The following SYNPR variants were observed in gnomAD, a reference collection of about 807,000 sequenced individuals.
The protein encoded by SYNPR is synaptoporin.
SYNPR carries 23 observed loss-of-function variants against 32.9 expected under a neutral mutation model. That is an observed-to-expected ratio of 0.70 (90% CI 0.50 to 0.99). SYNPR has a LOEUF of 0.99. Among genes scored for constraint, SYNPR ranks in the 50% least tolerant of loss-of-function variants. The pLI is 0.00. For synonymous variants in SYNPR, 146 were observed against 135.9 expected, an observed-to-expected ratio of 1.07 and a Z score of -0.52; for missense variants, 318 against 349.3, an observed-to-expected ratio of 0.91 and a Z score of 0.71.
chr3:63,258,140 C>A (rs1051874208), intron 2 of SYNPR, among the ~76,000 whole-genome samples: 3 of 152,188 alleles, frequency 2.0e-5, no homozygotes, highest in African/African-American at 7.2e-5. Context: ...TAACACCCCA[C>A]TGTCAACATT....
chr3:63,564,712 G>A (rs1032618064), intron 4 of SYNPR, among the ~76,000 whole-genome samples: 6 of 152,090 alleles, frequency 3.9e-5, no homozygotes, highest in South Asian at 4.2e-4. Flanking sequence ...ATGTTTTATC[G>A]GATCTCACAT....
chr3:63,235,300 A>C (rs73106638), intron 1 of SYNPR, among the ~76,000 whole-genome samples: 9,461 of 152,266 alleles, frequency 0.062, 379 homozygotes, highest in Middle Eastern at 0.085. Flanking sequence ...ATGCTAAGGA[A>C]CATAATCCTT....
chr3:63,392,637 C>T (rs2088153424), intron 2 of SYNPR, among the ~76,000 whole-genome samples: 1 of 152,168 alleles, frequency 6.6e-6, no homozygotes, highest in Non-Finnish European at 1.5e-5. Context: ...CGGTTATACT[C>T]CAGATGCCTG....
At chr3:63,586,264 G>A (rs866658644) in intron 4 of SYNPR, among the ~76,000 whole-genome samples, 4 of 151,528 alleles carry the variant, frequency 2.6e-5, no homozygotes, top group South Asian at 2.1e-4. Context: ...TGTAAATGCC[G>A]CTTGCTCATT....
intron 4 of SYNPR, among the ~76,000 whole-genome samples, chr3:63,591,303 A>C (rs1172508434): frequency 2.3e-4 from 29 of 125,446 alleles, no homozygotes; most frequent in African/African-American, 8.5e-4. Flanking sequence ...AAAGTCAGGA[A>C]ACAACAGGTG....
rs534459706 is a variant in SYNPR at position 63,447,418 on chromosome 3, G to A, written c.85-33414G>A. ...TGTACTTAAACATATTGATCATTAAGCACTTAAAAATTATCTATTAAGTAT... is the reference window on the plus strand; with the variant it reads ...TGTACTTAAACATATTGATCATTAAACACTTAAAAATTATCTATTAAGTAT... On this transcript the variant is annotated intron_variant, in intron 2 of 5. Coordinates refer to ENST00000478300, the MANE Select transcript of SYNPR (RefSeq NM_001130003.2). Among the ~76,000 whole-genome samples the A allele has an allele frequency of 2.0e-5, 3 of 152,256 alleles. No homozygotes were observed. The South Asian group carries it at 6.2e-4, about 32-fold the overall frequency.
At chr3:63,580,831 C>T (rs866725468) in intron 4 of SYNPR, among the ~76,000 whole-genome samples, 17 of 152,232 alleles carry the variant, frequency 1.1e-4, no homozygotes, top group South Asian at 6.2e-4. Context: ...CTGGAAATAA[C>T]GTTAACGGTT....
intron 2 of SYNPR, among the ~76,000 whole-genome samples, chr3:63,448,606 G>C (rs1045397780): frequency 9.2e-5 from 14 of 152,048 alleles, no homozygotes; most frequent in African/African-American, 3.4e-4. Flanking sequence ...AATGGCAGAG[G>C]AAAAACATTT....
intron 2 of SYNPR, among the ~76,000 whole-genome samples, chr3:63,391,990 T>C (rs756084752): frequency 1.3e-5 from 2 of 152,198 alleles, no homozygotes; most frequent in Non-Finnish European, 2.9e-5. Context: ...CAACCTCTTC[T>C]CAGACATGAG....
chr3:63,327,215 CA>C (rs2106977272), intron 2 of SYNPR, among the ~76,000 whole-genome samples: 1 of 152,070 alleles, frequency 6.6e-6, no homozygotes, highest in African/African-American at 2.4e-5. Flanking sequence ...CAAAATAACC[CA>C]AATGAAAAGG....
intron 4 of SYNPR, among the ~76,000 whole-genome samples, chr3:63,584,654 C>G (rs1360441736): frequency 6.6e-6 from 1 of 151,980 alleles, no homozygotes; most frequent in Non-Finnish European, 1.5e-5. Flanking sequence ...ATATTTAGCA[C>G]AATGCCTGGT....
intron 2 of SYNPR, among the ~76,000 whole-genome samples, chr3:63,293,155 T>C (rs985324982): frequency 1.3e-5 from 2 of 152,216 alleles, no homozygotes; most frequent in Non-Finnish European, 2.9e-5. Flanking sequence ...CTACATTACA[T>C]ACTTTCATTC....
intron 3 of SYNPR, among the ~76,000 whole-genome samples, chr3:63,271,357 G>T (rs986478385): frequency 9.2e-5 from 14 of 152,208 alleles, no homozygotes; most frequent in African/African-American, 2.9e-4. Flanking sequence ...AAATTAAGGT[G>T]AATTTTACTT....
chr3:63,415,412 TAAG>T (rs2088527404), intron 2 of SYNPR, among the ~76,000 whole-genome samples: 1 of 135,826 alleles, frequency 7.4e-6, no homozygotes, highest in Admixed American at 7.1e-5. Flanking sequence ...CTCAGAGAAT[TAAG>T]AATTTTTTTT....
At chr3:63,344,426 T>C (rs900042023) in intron 2 of SYNPR, among the ~76,000 whole-genome samples, 10 of 152,204 alleles carry the variant, frequency 6.6e-5, no homozygotes, top group Non-Finnish European at 1.5e-5. Flanking sequence ...AGAGGTTTTC[T>C]ATTTATAAAG....
At chr3:63,605,905 T>G (rs1700111434) in intron 4 of SYNPR, among the ~76,000 whole-genome samples, 1 of 152,250 alleles carries the variant, frequency 6.6e-6, no homozygotes, top group South Asian at 2.1e-4. Flanking sequence ...GGGGCATGTA[T>G]GTTCCCGCTC....
At chr3:63,441,578 A>G (rs543802061) in intron 2 of SYNPR, among the ~76,000 whole-genome samples, 2 of 152,290 alleles carry the variant, frequency 1.3e-5, no homozygotes, top group East Asian at 3.9e-4. Flanking sequence ...GGTGATTCTA[A>G]GGCTTTTTTT....
chr3:63,203,737 C>A, the SYNPR span, among the ~76,000 whole-genome samples: 4 of 151,918 alleles, frequency 2.6e-5, no homozygotes, highest in South Asian at 2.1e-4. Flanking sequence ...TGGCTTATGC[C>A]TGTAATCCCA....
chr3:63,295,010 G>A (rs563563090), intron 2 of SYNPR, among the ~76,000 whole-genome samples: 15 of 152,096 alleles, frequency 9.9e-5, no homozygotes, highest in South Asian at 6.3e-4. Context: ...CACCATCTGC[G>A]GAATCTGAGG....
Sources: gnomAD v4.1 joint callset for allele counts (sites outside exome capture counted in the v4.1 genomes callset) on GRCh38, gnomAD v4.1.1 for gene constraint, MANE v1.5 for transcripts, NCBI Gene and HGNC (gene_info 2026-07-23, HGNC 2026-07-21) for gene names.